KAZN: variants seen among roughly 807,000 people sequenced by gnomAD.
KAZN encodes the protein kazrin.
In KAZN, 40 loss-of-function variants were observed where a neutral mutation model predicts 87.4. That is an observed-to-expected ratio of 0.46 (90% CI 0.36 to 0.60). KAZN has a LOEUF of 0.60. Among genes scored for constraint, KAZN ranks in the 20% least tolerant of loss-of-function variants. The pLI is 0.00. For synonymous variants in KAZN, 466 were observed against 458.3 expected, an observed-to-expected ratio of 1.02 and a Z score of -0.22; for missense variants, 898 against 1,073.9, an observed-to-expected ratio of 0.84 and a Z score of 2.29.
intron 1 of KAZN, among the ~76,000 whole-genome samples, chr1:14,043,873 A>G (rs6662320): frequency 0.5 from 75,443 of 151,906 alleles, 19,168 homozygotes; most frequent in Admixed American, 0.65. Context: ...CAGTGTTCCA[A>G]TTATATATCA....
chr1:14,967,650 C>T (rs989942268), intron 2 of KAZN, among the ~76,000 whole-genome samples: 1 of 152,130 alleles, frequency 6.6e-6, no homozygotes, highest in Non-Finnish European at 1.5e-5. Flanking sequence ...GAGATGTGAC[C>T]GGAGGAGCAG....
chr1:14,089,397 G>T (rs923743014), intron 1 of KAZN, among the ~76,000 whole-genome samples: 17 of 151,954 alleles, frequency 1.1e-4, no homozygotes, highest in Admixed American at 1.0e-3. Context: ...GATTAATTCA[G>T]TATTTTTTAT....
intron 1 of KAZN, among the ~76,000 whole-genome samples, chr1:14,832,320 AG>A (rs1282236429): frequency 6.6e-6 from 1 of 152,090 alleles, no homozygotes; most frequent in East Asian, 1.9e-4. Flanking sequence ...GCTGTGGTGG[AG>A]GGGACTTCAT....
rs1025291437 is a variant in KAZN at position 15,115,181 on chromosome 1, G to C, written c.*546G>C. On this transcript the variant is annotated 3_prime_UTR_variant, in exon 15 of 15. Transcript: ENST00000376030. This position sits in a 1 kb window ranked among gnomAD's most constrained non-coding sequence, Gnocchi z 4.1. ...CATCTTACCCTTGACTGAGAACTTG[G>C]GTCCTGACTTGGCTCACTGAATCTC... is the stretch of plus-strand genomic sequence containing the variant. 6.6e-6 allele frequency: 1 copy of C among 152,564 alleles called. No homozygotes were observed. The highest frequency in any genetic ancestry group is 1.5e-5 in the Non-Finnish European group (1 of 68,364). 9.5% of individuals were successfully genotyped at this position (152,564 alleles called of 1,614,324 possible).
At chr1:14,858,357 C>T (rs976166101) in intron 1 of KAZN, among the ~76,000 whole-genome samples, 4 of 151,842 alleles carry the variant, frequency 2.6e-5, no homozygotes, top group African/African-American at 7.3e-5. Context: ...GAATTACAGG[C>T]GCCTGCCACC....
At chr1:14,342,328 T>C (rs1657793644) in intron 2 of KAZN, among the ~76,000 whole-genome samples, 1 of 152,198 alleles carries the variant, frequency 6.6e-6, no homozygotes, top group Admixed American at 6.5e-5. Context: ...ATAGAACAAT[T>C]TCTGTTCCTT....
chr1:15,108,118 C>T (rs1437001348), intron 13 of KAZN, among the ~76,000 whole-genome samples: 1 of 152,224 alleles, frequency 6.6e-6, no homozygotes, highest in Non-Finnish European at 1.5e-5. Context: ...ATAGACTTGA[C>T]CCTCAAACAC....
chr1:14,429,318 T>G (rs1308904634), intron 2 of KAZN, among the ~76,000 whole-genome samples: 1 of 152,190 alleles, frequency 6.6e-6, no homozygotes, highest in Non-Finnish European at 1.5e-5. Context: ...GCAAAAACAT[T>G]CACACACCGT....
chr1:15,034,633 G>A, intron 2 of KAZN, 116 bp from the exon 3 acceptor site: 2 of 1,259,626 alleles, frequency 1.6e-6, no homozygotes, highest in South Asian at 3.0e-5. Context: ...TCGTCTTTCT[G>A]AGCCCTGTTT....
chr1:14,673,143 G>GTAC (rs1640013627), intron 1 of KAZN, among the ~76,000 whole-genome samples: 1 of 152,194 alleles, frequency 6.6e-6, no homozygotes, highest in African/African-American at 2.4e-5. Context: ...ATCACAGCTG[G>GTAC]AGGTTACAGG....
intron 1 of KAZN, among the ~76,000 whole-genome samples, chr1:14,150,540 T>A (rs1645449723): frequency 6.6e-6 from 1 of 152,238 alleles, no homozygotes; most frequent in Non-Finnish European, 1.5e-5. Context: ...CTTTGCTTTA[T>A]CACCTGACAA....
intron 1 of KAZN, among the ~76,000 whole-genome samples, chr1:14,178,737 T>G (rs946248524): frequency 6.6e-6 from 1 of 152,210 alleles, no homozygotes; most frequent in Non-Finnish European, 1.5e-5. Flanking sequence ...GTCTGGTAAT[T>G]TTTTATGGAA....
Position 14,960,795 on chromosome 1 carries a change from A to C in KAZN, c.338A>C (p.Glu113Ala). Residue 113 changes from glutamate to alanine, a missense_variant, in exon 2 of 15, where the codon GAG becomes GCG. This residue lies in a region of KAZN where 250 missense variants were observed against 263.0 expected (regional missense o/e 0.95). Coordinates refer to ENST00000376030, the MANE Select transcript of KAZN (RefSeq NM_201628.3). ...LEESQGGKSS[E>A]VLSATELRVQ... is the part of the protein sequence containing the mutation. ...GAGTCGCAGGGCGGCAAGTCCTCTG[A>C]GGTCCTCTCGGCCACCGAGCTCAGG... 2 of 1,612,600 alleles carry C rather than the reference A, an allele frequency of 1.2e-6. No homozygotes were observed. Among genetic ancestry groups the C allele is most frequent in the Non-Finnish European group, 1.7e-6 (2 of 1,179,548 alleles).
intron 2 of KAZN, among the ~76,000 whole-genome samples, chr1:14,231,060 A>G (rs774829019): frequency 1.3e-5 from 2 of 152,168 alleles, no homozygotes; most frequent in Non-Finnish European, 2.9e-5. Flanking sequence ...GGTGCCTACT[A>G]TACAGTAAGT....
intron 1 of KAZN, among the ~76,000 whole-genome samples, chr1:14,044,193 T>C (rs1330878468): frequency 2.0e-5 from 3 of 152,294 alleles, no homozygotes; most frequent in African/African-American, 7.2e-5. Flanking sequence ...CAATACTGTG[T>C]TTCTGTTGGT....
chr1:13,992,680 T>A (rs1639339452), intron 1 of KAZN, among the ~76,000 whole-genome samples: 2 of 152,080 alleles, frequency 1.3e-5, no homozygotes, highest in Non-Finnish European at 2.9e-5. Flanking sequence ...CACTCTCAGC[T>A]CTCTGGGAAG....
At chr1:13,931,859 A>G (rs1640525852) in intron 1 of KAZN, among the ~76,000 whole-genome samples, 1 of 152,218 alleles carries the variant, frequency 6.6e-6, no homozygotes, top group Admixed American at 6.5e-5. Context: ...TTTCTTTGAA[A>G]CGGAGTCTCG....
At chr1:13,894,955 T>A (rs944405953) in intron 1 of KAZN, among the ~76,000 whole-genome samples, 1 of 152,322 alleles carries the variant, frequency 6.6e-6, no homozygotes, top group Admixed American at 6.5e-5. Flanking sequence ...GGTCCCAGTT[T>A]CACTTATTAA....
In KAZN at chr1:14,867,666, A is replaced by G. The variant is rs72870359; in HGVS notation, c.227-93018A>G. ...AATGACAACAGCAGTCATCCTATTC[A>G]GGTGCTTTTGCTAGGACTGTGACTT... On this transcript the variant is annotated intron_variant, in intron 1 of 14. Transcript: ENST00000376030. 3.4e-3 allele frequency among the ~76,000 whole-genome samples: 510 copies of G among 151,686 alleles called. 4 individuals are homozygous for G. The highest frequency in any genetic ancestry group is 0.012 in the African/African-American group (483 of 41,334).
Sources: gnomAD v4.1 joint callset for allele counts (sites outside exome capture counted in the v4.1 genomes callset) on GRCh38, gnomAD v4.1.1 for gene constraint, gnomAD v4.1.1 regional missense constraint, Gnocchi (gnomAD v3.1) non-coding constraint, MANE v1.5 for transcripts, NCBI Gene and HGNC (gene_info 2026-07-23, HGNC 2026-07-21) for gene names.